The following SHANK2 variants were observed in gnomAD, a reference collection of about 807,000 sequenced individuals.
SHANK2 encodes the protein SH3 and multiple ankyrin repeat domains protein 2.
SHANK2 carries 43 observed loss-of-function variants against 133.7 expected under a neutral mutation model. The ratio of observed to expected loss-of-function variants is 0.32; its 90% CI spans 0.25 to 0.41. SHANK2 has a LOEUF of 0.41. Ranked by LOEUF, SHANK2 falls within the 10% of genes least tolerant of loss-of-function variation. SHANK2 has a pLI of 1.00. For missense variants in SHANK2, 1,994 were observed against 2,235.8 expected, an observed-to-expected ratio of 0.89 and a Z score of 2.18; for synonymous variants, 1,017 against 952.8, an observed-to-expected ratio of 1.07 and a Z score of -1.24.
chr11:70,553,335 C>T (rs532210775), intron 17 of SHANK2, among the ~76,000 whole-genome samples: 46 of 152,248 alleles, frequency 3.0e-4, no homozygotes, highest in African/African-American at 1.1e-3. Flanking sequence ...TCAAATGCTT[C>T]GCCCACCTCG....
intron 10 of SHANK2, among the ~76,000 whole-genome samples, chr11:70,916,017 C>T (rs1464717801): frequency 6.6e-6 from 1 of 152,206 alleles, no homozygotes; most frequent in Non-Finnish European, 1.5e-5. Context: ...CGATTCACAT[C>T]ACCTTGCTCT....
chr11:70,762,104 GCT>G (rs1450160327), intron 14 of SHANK2, among the ~76,000 whole-genome samples: 3 of 152,166 alleles, frequency 2.0e-5, no homozygotes, highest in Non-Finnish European at 4.4e-5. Context: ...CTTCGCTCCT[GCT>G]CTCTTTTCCT....
intron 2 of SHANK2, among the ~76,000 whole-genome samples, chr11:71,153,675 G>A (rs1197705795): frequency 3.3e-5 from 5 of 152,204 alleles, no homozygotes; most frequent in African/African-American, 9.6e-5. Context: ...CTTTAAAACT[G>A]CAAGAGTTCA....
At position 70,661,545 on chromosome 11, in the gene SHANK2, ACACAC is replaced by A. The variant is rs781945917; in HGVS notation, c.1936+46_1936+50del. 6.6e-4 allele frequency: 671 copies of A among 1,012,738 alleles called. 5 individuals are homozygous for A. In the African/African-American group the frequency reaches 0.01, roughly 16 times the overall value. The allele number at this position is 1,012,738 out of a possible 1,614,324, so 62.7% of individuals were successfully genotyped here. On this transcript the variant is annotated intron_variant, in intron 16 of 25. Coordinates refer to ENST00000601538, the MANE Select transcript of SHANK2 (RefSeq NM_012309.5). Reference sequence around the variant, plus strand: ...CACACACACACACACACACACACACACACACACACAAACATGGGAACATATTCAGG... The same window carrying A: ...CACACACACACACACACACACACACAACACAAACATGGGAACATATTCAGG...
chr11:70,616,836 G>A (rs977043510), intron 17 of SHANK2, among the ~76,000 whole-genome samples: 2 of 152,152 alleles, frequency 1.3e-5, no homozygotes, highest in Non-Finnish European at 2.9e-5. Flanking sequence ...CCTGCGGGGC[G>A]TCCCCCGACA....
intron 14 of SHANK2, among the ~76,000 whole-genome samples, chr11:70,773,284 G>C (rs1305565759): frequency 1.3e-5 from 2 of 152,232 alleles, no homozygotes; most frequent in African/African-American, 2.4e-5. Flanking sequence ...AAAGCTTTGA[G>C]ATGATGAGGC....
chr11:71,183,009 T>C (rs1269349803), intron 2 of SHANK2, among the ~76,000 whole-genome samples: 2 of 152,198 alleles, frequency 1.3e-5, no homozygotes, highest in Admixed American at 1.3e-4. Context: ...CCTTCATCTC[T>C]GACCTGGGAG....
intron 10 of SHANK2, among the ~76,000 whole-genome samples, chr11:70,922,354 A>G (rs1950364381): frequency 6.6e-6 from 1 of 152,224 alleles, no homozygotes; most frequent in African/African-American, 2.4e-5. Flanking sequence ...AGTACTACAT[A>G]CATTAAGCCT....
At chr11:70,688,920 C>T (rs986120194) in intron 15 of SHANK2, among the ~76,000 whole-genome samples, 19 of 152,214 alleles carry the variant, frequency 1.2e-4, no homozygotes, top group South Asian at 4.1e-4. Context: ...AATTTGGATC[C>T]TACTACTTGT....
intron 15 of SHANK2, among the ~76,000 whole-genome samples, chr11:70,688,412 C>G (rs967701818): frequency 2.0e-5 from 3 of 152,168 alleles, no homozygotes; most frequent in African/African-American, 7.2e-5. Flanking sequence ...CACCTAATTT[C>G]GTGCACCTAA....
intron 14 of SHANK2, among the ~76,000 whole-genome samples, chr11:70,734,073 G>A (rs1555032897): frequency 6.6e-6 from 1 of 152,152 alleles, no homozygotes; most frequent in African/African-American, 2.4e-5. Flanking sequence ...GGGCTGGGAG[G>A]TCCCTGGCAG....
chr11:70,611,124 G>A (rs1048214498), intron 17 of SHANK2, among the ~76,000 whole-genome samples: 6 of 152,208 alleles, frequency 3.9e-5, no homozygotes, highest in Non-Finnish European at 7.3e-5. Flanking sequence ...TGAAGCCAAC[G>A]CTTCAGAATG....
chr11:70,502,033 G>T, intron 19 of SHANK2, 102 bp from the exon 20 acceptor site: 3 of 1,378,362 alleles, frequency 2.2e-6, no homozygotes, highest in South Asian at 1.2e-5. Flanking sequence ...CGAGGGAGGT[G>T]CACACATGGG....
At chr11:71,096,248 T>C (rs1293848780) in intron 6 of SHANK2, among the ~76,000 whole-genome samples, 1 of 152,224 alleles carries the variant, frequency 6.6e-6, no homozygotes, top group Non-Finnish European at 1.5e-5. Flanking sequence ...ATAGAAATTT[T>C]CTGGGACTAA....
chr11:70,950,423 T>G (rs1306661714), intron 10 of SHANK2, among the ~76,000 whole-genome samples: 2 of 152,094 alleles, frequency 1.3e-5, no homozygotes, highest in Non-Finnish European at 2.9e-5. Context: ...ACTCCTGACC[T>G]CAGGTGATCC....
intron 13 of SHANK2, among the ~76,000 whole-genome samples, chr11:70,803,210 C>T (rs1407002945): frequency 6.6e-6 from 1 of 150,974 alleles, no homozygotes; most frequent in Non-Finnish European, 1.5e-5. Flanking sequence ...TTTCACGCTG[C>T]CATGCACTCA....
intron 17 of SHANK2, among the ~76,000 whole-genome samples, chr11:70,617,579 G>A (rs1017554328): frequency 6.6e-6 from 1 of 152,132 alleles, no homozygotes; most frequent in Non-Finnish European, 1.5e-5. Context: ...GGGAAGCATA[G>A]GAACCCTCAG....
At chr11:70,847,877 G>A (rs1304028403) in intron 11 of SHANK2, among the ~76,000 whole-genome samples, 1 of 152,220 alleles carries the variant, frequency 6.6e-6, no homozygotes, top group Non-Finnish European at 1.5e-5. Context: ...GCTTGGAGAC[G>A]GTTCCCAGTG....
At chr11:71,147,809 T>C (rs1414882435) in intron 2 of SHANK2, among the ~76,000 whole-genome samples, 2 of 152,208 alleles carry the variant, frequency 1.3e-5, no homozygotes, top group East Asian at 3.8e-4. Context: ...AAGTTCACGC[T>C]ATAATAACCC....
Sources: allele counts gnomAD v4.1 joint callset (sites outside exome capture counted in the v4.1 genomes callset), GRCh38; gene constraint gnomAD v4.1.1; transcripts MANE v1.5; gene names NCBI Gene and HGNC (gene_info 2026-07-23, HGNC 2026-07-21).